The following RBFOX1 variants were observed in gnomAD, a reference collection of about 807,000 sequenced individuals.
The protein encoded by RBFOX1 is RNA binding protein fox-1 homolog 1.
In RBFOX1, 8 loss-of-function variants were observed where a neutral mutation model predicts 57.7. The observed-to-expected ratio is 0.14, with a 90% CI of 0.08 to 0.25. RBFOX1 has a LOEUF of 0.25. RBFOX1 is among the 10% of genes least tolerant of loss of function. The probability of loss-of-function intolerance (pLI) is 1.00; values close to 1 mark genes in which losing one functional copy is unlikely to be tolerated. For missense variants in RBFOX1, 611 were observed against 548.5 expected (o/e 1.11, Z -1.14); for synonymous variants, 326 against 222.4 (o/e 1.47, Z -4.15).
intron 13 of RBFOX1, among the ~76,000 whole-genome samples, chr16:7,670,521 G>T (rs559671904): frequency 6.6e-6 from 1 of 152,130 alleles, no homozygotes; most frequent in African/African-American, 2.4e-5. Context: ...AAGAGGGAGA[G>T]AAGTAAAAGC....
At chr16:7,569,228 A>G (rs538497275) in intron 5 of RBFOX1, among the ~76,000 whole-genome samples, 1 of 152,232 alleles carries the variant, frequency 6.6e-6, no homozygotes, top group East Asian at 1.9e-4. Context: ...CTTCCACAAC[A>G]CAAGTATATT....
chr16:7,175,756 T>C (rs1268059989), intron 4 of RBFOX1, among the ~76,000 whole-genome samples: 2 of 152,208 alleles, frequency 1.3e-5, no homozygotes, highest in Non-Finnish European at 2.9e-5. Flanking sequence ...ATTTTTTTGA[T>C]AAAATGTCTT....
chr16:6,214,625 AAGAC>A (rs1248082924), intron 1 of RBFOX1, among the ~76,000 whole-genome samples: 5 of 75,870 alleles, frequency 6.6e-5, no homozygotes, highest in African/African-American at 1.1e-4. Context: ...GAGAGGGAGA[AAGAC>A]AGGGAGAGGG....
At chr16:7,017,183 T>A (rs2093959239) in intron 3 of RBFOX1, among the ~76,000 whole-genome samples, 1 of 152,114 alleles carries the variant, frequency 6.6e-6, no homozygotes, top group Non-Finnish European at 1.5e-5. Flanking sequence ...GCAAATCGTA[T>A]CTGCTTCAAG....
intron 3 of RBFOX1, among the ~76,000 whole-genome samples, chr16:5,776,798 T>C (rs1401180218): frequency 6.6e-6 from 1 of 152,202 alleles, no homozygotes. Context: ...TGTGTCTACT[T>C]TCTCCCTCCA....
At chr16:7,055,539 A>G (rs2051872589) in intron 4 of RBFOX1, among the ~76,000 whole-genome samples, 1 of 152,142 alleles carries the variant, frequency 6.6e-6, no homozygotes, top group Non-Finnish European at 1.5e-5. Flanking sequence ...AGAAGGAAGG[A>G]GAAGAGGAGT....
chr16:6,525,623 C>T (rs1016576829), intron 2 of RBFOX1, among the ~76,000 whole-genome samples: 1 of 151,978 alleles, frequency 6.6e-6, no homozygotes, highest in African/African-American at 2.4e-5. Flanking sequence ...CATGAAGGCA[C>T]CAGCAGGTCT....
At position 6,077,648 on chromosome 16, in the gene RBFOX1, C is replaced by G. The variant is rs115584232; in HGVS notation, c.-127+57656C>G. On this transcript the variant is annotated intron_variant, in intron 1 of 15. Coordinates refer to ENST00000550418, the MANE Select transcript of RBFOX1 (RefSeq NM_018723.4). Reference sequence around the variant, plus strand: ...GGTCAAAAAGTGCCCATGCACTTTTCCCCTGCGCTCTTGCGTCAACCTTGC... The same window carrying G: ...GGTCAAAAAGTGCCCATGCACTTTTGCCCTGCGCTCTTGCGTCAACCTTGC... Among the ~76,000 whole-genome samples the G allele has an allele frequency of 4.4e-3, 661 of 151,862 alleles. 6 individuals carry two copies. Among genetic ancestry groups the G allele is most frequent in the African/African-American group, 0.015 (616 of 41,510 alleles).
At chr16:6,426,944 T>A (rs1424554611) in intron 2 of RBFOX1, among the ~76,000 whole-genome samples, 1 of 152,112 alleles carries the variant, frequency 6.6e-6, no homozygotes, top group East Asian at 1.9e-4. Context: ...CAACTCTCCA[T>A]CAGTGTTTTG....
At chr16:6,620,786 C>T (rs1337166602) in intron 2 of RBFOX1, among the ~76,000 whole-genome samples, 2 of 150,394 alleles carry the variant, frequency 1.3e-5, no homozygotes, top group African/African-American at 4.8e-5. Flanking sequence ...CATAGATCCT[C>T]CCCAGACTGA....
intron 4 of RBFOX1, among the ~76,000 whole-genome samples, chr16:7,211,173 T>C (rs1193298625): frequency 6.6e-6 from 1 of 151,142 alleles, no homozygotes; most frequent in African/African-American, 2.4e-5. Flanking sequence ...GGGGGGATCA[T>C]GAGGTCAGGA....
intron 2 of RBFOX1, among the ~76,000 whole-genome samples, chr16:6,451,239 G>C (rs58827985): frequency 6.6e-6 from 1 of 152,032 alleles, no homozygotes; most frequent in South Asian, 2.1e-4. Context: ...AGGTAGCCTA[G>C]AAATGTGTCT....
chr16:6,998,176 A>C (rs755914310), intron 3 of RBFOX1, among the ~76,000 whole-genome samples: 6 of 152,152 alleles, frequency 3.9e-5, no homozygotes, highest in Non-Finnish European at 8.8e-5. Context: ...AAAGCAGCCA[A>C]AGCAGTACAT....
chr16:6,847,031 C>T (rs1160519550), intron 3 of RBFOX1, among the ~76,000 whole-genome samples: 1 of 152,124 alleles, frequency 6.6e-6, no homozygotes, highest in African/African-American at 2.4e-5. Flanking sequence ...AATCCCACAG[C>T]TGCAAAATAG....
At chr16:7,341,204 G>A (rs2096884084) in intron 4 of RBFOX1, among the ~76,000 whole-genome samples, 1 of 152,228 alleles carries the variant, frequency 6.6e-6, no homozygotes, top group South Asian at 2.1e-4. Flanking sequence ...TTGATTCACT[G>A]CTGAGCCCTA....
At chr16:6,126,404 G>A (rs2096590132) in intron 1 of RBFOX1, among the ~76,000 whole-genome samples, 1 of 152,154 alleles carries the variant, frequency 6.6e-6, no homozygotes, top group Non-Finnish European at 1.5e-5. Context: ...GCCAAGTCTG[G>A]TGATTCTTAT....
chr16:6,168,341 G>A (rs2096933025), intron 1 of RBFOX1, among the ~76,000 whole-genome samples: 1 of 152,176 alleles, frequency 6.6e-6, no homozygotes, highest in Non-Finnish European at 1.5e-5. Flanking sequence ...ACTTGTGCTT[G>A]TTTTCCTTTC....
chr16:6,979,938 G>C (rs143573497), intron 3 of RBFOX1, among the ~76,000 whole-genome samples: 10 of 152,266 alleles, frequency 6.6e-5, no homozygotes, highest in African/African-American at 2.2e-4. Flanking sequence ...CAGTTTCTGA[G>C]AGGTCTCTGG....
chr16:7,566,283 G>T (rs894630058), intron 5 of RBFOX1, among the ~76,000 whole-genome samples: 1 of 152,080 alleles, frequency 6.6e-6, no homozygotes, highest in African/African-American at 2.4e-5. Flanking sequence ...TAATTGGTTG[G>T]ATGAGCTAGG....
Sources: gnomAD v4.1 joint callset for allele counts (sites outside exome capture counted in the v4.1 genomes callset) on GRCh38, gnomAD v4.1.1 for gene constraint, MANE v1.5 for transcripts, NCBI Gene and HGNC (gene_info 2026-07-23, HGNC 2026-07-21) for gene names.